Variants in TMEM163 observed in about 807,000 individuals in gnomAD.
TMEM163 encodes transmembrane protein 163.
A neutral mutation model predicts 29.3 loss-of-function variants in TMEM163; 17 were observed. The ratio of observed to expected loss-of-function variants is 0.58; its 90% CI spans 0.40 to 0.87. The LOEUF (loss-of-function observed/expected upper bound fraction) is 0.87. Among genes scored for constraint, TMEM163 ranks in the 40% least tolerant of loss-of-function variants. TMEM163 has a pLI of 0.00. For synonymous variants in TMEM163, 157 were observed against 160.6 expected, an observed-to-expected ratio of 0.98 and a Z score of 0.17; for missense variants, 303 against 381.5, an observed-to-expected ratio of 0.79 and a Z score of 1.71.
At chr2:134,563,969 T>G (rs895589876) in intron 2 of TMEM163, among the ~76,000 whole-genome samples, 1 of 152,088 alleles carries the variant, frequency 6.6e-6, no homozygotes, top group Non-Finnish European at 1.5e-5. Context: ...GGAGAATCTC[T>G]TGAACCCGGA....
chr2:134,591,141 A>G (rs1681926215), intron 2 of TMEM163, among the ~76,000 whole-genome samples: 1 of 152,184 alleles, frequency 6.6e-6, no homozygotes, highest in Non-Finnish European at 1.5e-5. Flanking sequence ...ATTTCTTATA[A>G]AAGCCTTTGC....
At chr2:134,487,121 C>T (rs1309813912) in intron 5 of TMEM163, among the ~76,000 whole-genome samples, 1 of 151,980 alleles carries the variant, frequency 6.6e-6, no homozygotes, top group Non-Finnish European at 1.5e-5. Context: ...ACCACCAACA[C>T]TATATTGAAA....
Position 134,674,461 on chromosome 2 carries a change from A to G in TMEM163, c.322+38739T>C, listed in dbSNP as rs560569889. ...CGGGTTCAAGAGATTCCCCTGCCTC[A>G]GCCTCCCAAGTAGCTGGGACTACAG... On this transcript the variant is annotated intron_variant, in intron 2 of 7. Coordinates refer to ENST00000281924, the MANE Select transcript of TMEM163 (RefSeq NM_030923.5). Among the ~76,000 whole-genome samples the G allele has an allele frequency of 4.8e-5, 7 of 145,078 alleles. No homozygotes were observed. The East Asian group carries it at 1.1e-3, about 22-fold the overall frequency.
intron 2 of TMEM163, among the ~76,000 whole-genome samples, chr2:134,585,538 A>T (rs59107976): frequency 1.3e-4 from 20 of 152,178 alleles, no homozygotes; most frequent in African/African-American, 4.8e-4. Context: ...GTCAAGAGAT[A>T]GAGACCATCC....
rs543857614 is a variant in TMEM163, at chr2:134,692,761, G to A, written c.322+20439C>T. On this transcript the variant is annotated intron_variant, in intron 2 of 7. Transcript: ENST00000281924. ...CACCTCATCATCCTCATGACCTTGT[G>A]TAAACTGAGCCACCTCCCAAAGCCT... 3.9e-5 allele frequency among the ~76,000 whole-genome samples: 6 copies of A among 152,234 alleles called. No homozygotes were observed. In the East Asian group the frequency reaches 9.6e-4, roughly 24 times the overall value.
chr2:134,561,060 G>C (rs1165789281), intron 2 of TMEM163, among the ~76,000 whole-genome samples: 1 of 152,240 alleles, frequency 6.6e-6, no homozygotes, highest in Non-Finnish European at 1.5e-5. Context: ...TCCCCTGAAG[G>C]CACAGTTAAC....
chr2:134,558,287 C>G (rs1427307946), intron 2 of TMEM163, among the ~76,000 whole-genome samples: 1 of 152,308 alleles, frequency 6.6e-6, no homozygotes, highest in Middle Eastern at 3.4e-3. Flanking sequence ...CAGAATGTCA[C>G]TTGCAGTCTG....
intron 4 of TMEM163, among the ~76,000 whole-genome samples, chr2:134,547,809 A>G (rs1025530669): frequency 1.3e-5 from 2 of 152,334 alleles, no homozygotes; most frequent in Non-Finnish European, 1.5e-5. Flanking sequence ...TTCGACAATG[A>G]TATATACTTT....
intron 2 of TMEM163, among the ~76,000 whole-genome samples, chr2:134,581,898 T>C (rs946410861): frequency 6.6e-6 from 1 of 152,166 alleles, no homozygotes; most frequent in Non-Finnish European, 1.5e-5. Flanking sequence ...AAATATTCCA[T>C]CGTTCAAAAT....
At chr2:134,665,081 CAACAGCCACAGGAAAGACA>C (rs1683844751) in intron 2 of TMEM163, among the ~76,000 whole-genome samples, 1 of 152,110 alleles carries the variant, frequency 6.6e-6, no homozygotes, top group African/African-American at 2.4e-5. Flanking sequence ...TAATTTCTAA[CAACAGCCACAGGAAAGACA>C]AACAGCTTGT....
rs1553471205 is a variant in TMEM163, at chr2:134,460,083, C to CCCA, written c.668-1911_668-1910insTGG. The stretch of plus-strand genomic sequence containing the variant: ...GCCCCTTGCCAGATGTTACCCCCCC[C>CCCA]CAAATTCATTCTCACTCTCCCCGCT... On this transcript the variant is annotated intron_variant, in intron 6 of 7. Transcript: ENST00000281924. This position sits in a 1 kb window ranked among gnomAD's most constrained non-coding sequence, Gnocchi z 4.3. Among the ~76,000 whole-genome samples, 2 of 148,104 alleles carry CCCA rather than the reference C, an allele frequency of 1.4e-5. No individual in the cohort carries two copies. The highest frequency in any genetic ancestry group is 5.1e-5 in the African/African-American group (2 of 39,138).
At chr2:134,616,171 G>T (rs1463336123) in intron 2 of TMEM163, among the ~76,000 whole-genome samples, 3 of 152,178 alleles carry the variant, frequency 2.0e-5, no homozygotes, top group Non-Finnish European at 2.9e-5. Flanking sequence ...GATGCTCAAC[G>T]TATTTTGCTT....
At chr2:134,479,734 C>T (rs1322466115) in intron 5 of TMEM163, among the ~76,000 whole-genome samples, 1 of 152,172 alleles carries the variant, frequency 6.6e-6, no homozygotes, top group East Asian at 1.9e-4. Flanking sequence ...GGTAACTCCC[C>T]CAGAGACAGC....
At chr2:134,499,622 CA>C (rs1219615993) in intron 5 of TMEM163, among the ~76,000 whole-genome samples, 1 of 152,204 alleles carries the variant, frequency 6.6e-6, no homozygotes, top group East Asian at 1.9e-4. Flanking sequence ...CTCTCTTACT[CA>C]AAACTCACCC....
intron 2 of TMEM163, among the ~76,000 whole-genome samples, chr2:134,699,179 C>CA (rs1320114310): frequency 4.6e-5 from 7 of 152,170 alleles, no homozygotes; most frequent in Admixed American, 1.3e-4. Context: ...TTTTCTAGTA[C>CA]AAAAAATCAC....
intron 2 of TMEM163, among the ~76,000 whole-genome samples, chr2:134,624,392 A>G (rs1682802201): frequency 6.6e-6 from 1 of 152,154 alleles, no homozygotes. Flanking sequence ...ATGTTCTTAT[A>G]AGTGGGAGCT....
intron 6 of TMEM163, chr2:134,458,510 A>C (rs922490313): frequency 4.8e-5 from 15 of 311,102 alleles, no homozygotes; most frequent in Admixed American, 1.2e-4. Context: ...TTGAGTCCAC[A>C]GTCCCCAGGA....
chr2:134,529,006 AACACGT>A (rs1376051682), intron 4 of TMEM163, among the ~76,000 whole-genome samples: 1 of 152,190 alleles, frequency 6.6e-6, no homozygotes, highest in East Asian at 1.9e-4. Context: ...TGCACAACAG[AACACGT>A]ACCATTAGCT....
intron 2 of TMEM163, among the ~76,000 whole-genome samples, chr2:134,650,543 TG>T (rs1683449494): frequency 2.8e-5 from 4 of 145,150 alleles, no homozygotes; most frequent in Admixed American, 1.4e-4. Flanking sequence ...TTTTGTTTTT[TG>T]TTTTTTTATT....
Sources: gnomAD v4.1 joint callset for allele counts (sites outside exome capture counted in the v4.1 genomes callset) on GRCh38, gnomAD v4.1.1 for gene constraint, Gnocchi (gnomAD v3.1) non-coding constraint, MANE v1.5 for transcripts, NCBI Gene and HGNC (gene_info 2026-07-23, HGNC 2026-07-21) for gene names.